The following ITGA9 variants were observed in gnomAD, a reference collection of about 807,000 sequenced individuals.
The protein encoded by ITGA9 is integrin alpha-9.
Under a neutral mutation model 127.8 loss-of-function variants are expected in ITGA9, and 56 were observed. The ratio of observed to expected loss-of-function variants is 0.44; its 90% CI spans 0.35 to 0.55. The LOEUF is 0.55. Among genes scored for constraint, ITGA9 ranks in the 20% least tolerant of loss-of-function variants. The pLI is 0.00. For synonymous variants in ITGA9, 508 were observed against 514.5 expected (o/e 0.99, Z 0.17); for missense variants, 1,196 against 1,347.1 (o/e 0.89, Z 1.76).
At chr3:37,546,811 A>G (rs1386080692) in intron 15 of ITGA9, among the ~76,000 whole-genome samples, 2 of 152,180 alleles carry the variant, frequency 1.3e-5, no homozygotes, top group African/African-American at 2.4e-5. Context: ...TTTGGGATGC[A>G]TGGTGTGTGC....
chr3:37,672,593 G>C (rs968350822), intron 17 of ITGA9, among the ~76,000 whole-genome samples: 7 of 152,074 alleles, frequency 4.6e-5, no homozygotes, highest in African/African-American at 1.7e-4. Context: ...AGGAGGACAG[G>C]GTCAGATAAG....
chr3:37,622,642 A>T (rs1484022617), intron 15 of ITGA9, among the ~76,000 whole-genome samples: 1 of 152,072 alleles, frequency 6.6e-6, no homozygotes, highest in African/African-American at 2.4e-5. Context: ...TAGGAGTTTG[A>T]GATCAGCCTG....
chr3:37,538,992 T>G (rs1032699983), intron 14 of ITGA9, among the ~76,000 whole-genome samples: 2 of 152,236 alleles, frequency 1.3e-5, no homozygotes, highest in Non-Finnish European at 2.9e-5. Flanking sequence ...GAAAGTTTAA[T>G]GTGCTGGCAT....
At chr3:37,546,407 G>A (rs756323774) in intron 15 of ITGA9, among the ~76,000 whole-genome samples, 11 of 152,208 alleles carry the variant, frequency 7.2e-5, no homozygotes, top group Non-Finnish European at 1.6e-4. Flanking sequence ...TTGTTTTACA[G>A]AGTCATGCCT....
At chr3:37,674,004 G>A (rs1700659812) in intron 17 of ITGA9, among the ~76,000 whole-genome samples, 1 of 152,142 alleles carries the variant, frequency 6.6e-6, no homozygotes. Context: ...CATGGCCTTA[G>A]CCTTCATAAT....
intron 15 of ITGA9, among the ~76,000 whole-genome samples, chr3:37,621,521 CAG>C (rs1700128569): frequency 6.6e-6 from 1 of 152,218 alleles, no homozygotes; most frequent in East Asian, 1.9e-4. Context: ...GAGCTCAAGA[CAG>C]AGCTGAGATC....
intron 15 of ITGA9, among the ~76,000 whole-genome samples, chr3:37,562,561 G>A (rs1699504170): frequency 6.6e-6 from 1 of 152,190 alleles, no homozygotes; most frequent in African/African-American, 2.4e-5. Context: ...GATGCCCACG[G>A]CACGGAGGTT....
At chr3:37,544,598 A>G (rs1454793694) in intron 15 of ITGA9, among the ~76,000 whole-genome samples, 2 of 152,116 alleles carry the variant, frequency 1.3e-5, no homozygotes, top group Non-Finnish European at 2.9e-5. Flanking sequence ...GATTGAGATG[A>G]TGGTTAGAAG....
intron 18 of ITGA9, among the ~76,000 whole-genome samples, chr3:37,708,827 T>C (rs1393198199): frequency 6.6e-6 from 1 of 152,238 alleles, no homozygotes. Context: ...CAGCACTCAC[T>C]GTGCTAGTAT....
rs1241147603 is a variant in ITGA9, at chr3:37,512,065, TTTCTTTCTTTCC to T, written c.898-1694_898-1683del. 1.7e-3 allele frequency among the ~76,000 whole-genome samples: 121 copies of T among 70,100 alleles called. 5 individuals carry two copies. The highest frequency in any genetic ancestry group is 5.6e-3 in the South Asian group (12 of 2,128). 46.0% of individuals were successfully genotyped at this position (70,100 alleles called of 152,430 possible). A position where few individuals can be genotyped will look rare whatever the true frequency, so the allele number is the denominator to read the frequency against. On this transcript the variant is annotated intron_variant, in intron 8 of 27. Transcript: ENST00000264741. The stretch of plus-strand genomic sequence containing the variant: ...CTTTCTTTCTTTCTTTCTTTCTTTC[TTTCTTTCTTTCC>T]TTCCTTCCTTCCTTCCTTCCTTCCT...
chr3:37,594,539 C>T (rs1055733190), intron 15 of ITGA9, among the ~76,000 whole-genome samples: 9 of 151,790 alleles, frequency 5.9e-5, no homozygotes, highest in African/African-American at 2.2e-4. Context: ...CTTGAAGTGT[C>T]TGAGAGGCTG....
intron 1 of ITGA9, among the ~76,000 whole-genome samples, chr3:37,457,295 T>C (rs1698271046): frequency 6.6e-6 from 1 of 152,182 alleles, no homozygotes; most frequent in South Asian, 2.1e-4. Context: ...GGGGTTCTAG[T>C]TGTGTGTCTC....
At chr3:37,785,633 A>G (rs1479114669) in intron 26 of ITGA9, among the ~76,000 whole-genome samples, 4 of 152,022 alleles carry the variant, frequency 2.6e-5, no homozygotes, top group African/African-American at 4.8e-5. Context: ...TACCATGCCT[A>G]ATTTTTAAAT....
rs1699020952 is a variant in ITGA9 at position 37,519,308 on chromosome 3, A to G, written c.1190A>G (p.Tyr397Cys). 4 of 1,614,022 alleles carry G rather than the reference A, an allele frequency of 2.5e-6. No homozygotes were observed. The highest frequency in any genetic ancestry group is 1.7e-5 in the Admixed American group (1 of 60,004). ...PKEDDFAGAV[Y>C]IYHGDAGGIV... ...GAGGATGACTTCGCAGGGGCGGTCT[A>G]TATCTATCATGGTGATGCCGGTGGG... is the stretch of plus-strand genomic sequence containing the variant. The change falls in exon 11 of 28, where the codon TAT (tyrosine) becomes TGT (cysteine). Residue 397 changes from tyrosine (Y) to cysteine (C), a missense_variant. By Grantham distance (194) the Tyr-to-Cys change is radical. Coordinates refer to ENST00000264741, the MANE Select transcript of ITGA9 (RefSeq NM_002207.3).
chr3:37,602,051 A>G (rs928767914), intron 15 of ITGA9, among the ~76,000 whole-genome samples: 3 of 152,164 alleles, frequency 2.0e-5, no homozygotes, highest in East Asian at 1.9e-4. Context: ...CTCACTACCT[A>G]GAGAATGGCA....
rs1322988582 is a variant in ITGA9, at chr3:37,744,021, A to T, written c.2420A>T (p.Asn807Ile). ...DDLECHFQPI[N>I]ITLQVYNTGP... ...CTGGAGTGTCACTTTCAGCCCATCA[A>T]TATCACCCTTCAGGTACCCACTCCT... is the stretch of plus-strand genomic sequence containing the variant. Residue 807 changes from asparagine to isoleucine, a missense_variant, in exon 22 of 28, where the codon AAT becomes ATT. Coordinates refer to ENST00000264741, the MANE Select transcript of ITGA9 (RefSeq NM_002207.3). 1 of 1,612,870 alleles carries T rather than the reference A, an allele frequency of 6.2e-7. No individual in the cohort carries two copies. The highest frequency in any genetic ancestry group is 8.5e-7 in the Non-Finnish European group (1 of 1,178,858).
chr3:37,507,211 A>T (rs1698854214), intron 7 of ITGA9, among the ~76,000 whole-genome samples: 1 of 152,192 alleles, frequency 6.6e-6, no homozygotes. Flanking sequence ...GATCACCTCA[A>T]GAAAGAGGTG....
At chr3:37,516,813 A>G (rs978434837) in intron 9 of ITGA9, among the ~76,000 whole-genome samples, 3 of 152,136 alleles carry the variant, frequency 2.0e-5, no homozygotes, top group African/African-American at 7.2e-5. Flanking sequence ...TTCATGTGTC[A>G]GTGATTTGGG....
In ITGA9 at chr3:37,715,044, T is replaced by C. The variant is rs200485679; in HGVS notation, c.2068-17668T>C. Among the ~76,000 whole-genome samples the C allele has an allele frequency of 2.0e-5, 3 of 152,282 alleles. No homozygotes were observed. In the East Asian group the frequency reaches 5.8e-4, roughly 29 times the overall value. On this transcript the variant is annotated intron_variant, in intron 18 of 27. Transcript: ENST00000264741. ...TTGAGGATGAGAAGCATCAATCTGT[T>C]CATCCTAGCAAAATGTTTAGCAAAA... is the stretch of plus-strand genomic sequence containing the variant.
Sources: gnomAD v4.1 joint callset for allele counts (sites outside exome capture counted in the v4.1 genomes callset) on GRCh38, gnomAD v4.1.1 for gene constraint, MANE v1.5 for transcripts, NCBI Gene and HGNC (gene_info 2026-07-23, HGNC 2026-07-21) for gene names.